OLFML2B: variants seen among roughly 807,000 people sequenced by gnomAD.
OLFML2B encodes the protein olfactomedin like 2B, also known as olfactomedin-like protein 2B.
OLFML2B carries 57 observed loss-of-function variants against 74.9 expected under a neutral mutation model. The observed-to-expected ratio is 0.76, with a 90% CI of 0.61 to 0.95. OLFML2B has a LOEUF of 0.95. Among genes scored for constraint, OLFML2B ranks in the 40% least tolerant of loss-of-function variants. The pLI, the probability that OLFML2B is intolerant of heterozygous loss-of-function variation, is 0.00. For synonymous variants in OLFML2B, 388 were observed against 405.8 expected, an observed-to-expected ratio of 0.96 and a Z score of 0.53; for missense variants, 986 against 970.6, an observed-to-expected ratio of 1.02 and a Z score of -0.21.
Position 161,998,287 on chromosome 1 carries a change from G to A in OLFML2B, c.1012C>T (p.His338Tyr), listed in dbSNP as rs1357951904. ...DLLIEDQLLR[H>Y]NGLMTSVTRR... ...GTGACACTGGTCATCAGGCCGTTGT[G>A]TCTCAGGAGCTGATCTTCAATCAGC... is the stretch of plus-strand genomic sequence containing the variant. The change falls in exon 6 of 8, where the codon CAC becomes TAC. Residue 338 changes from histidine (H) to tyrosine (Y), a missense_variant. His to Tyr is a moderately conservative substitution (Grantham distance 83, BLOSUM62 2). Coordinates refer to ENST00000294794, the MANE Select transcript of OLFML2B (RefSeq NM_015441.3). 2 of 1,599,968 alleles carry A rather than the reference G, an allele frequency of 1.3e-6. No homozygotes were observed. Among genetic ancestry groups the A allele is most frequent in the Non-Finnish European group, 1.7e-6 (2 of 1,169,090 alleles).
Position 161,984,220 on chromosome 1 carries a change from C to A in OLFML2B, c.1708G>T (p.Val570Leu). ...PYSWIGTGHV[V>L]YNGAFYYNRA... ...TTGTAGTAGAAGGCGCCATTGTATACCACGTGGCCTGTGCCGATCCAGCTG... is the reference window on the plus strand; with the variant it reads ...TTGTAGTAGAAGGCGCCATTGTATAACACGTGGCCTGTGCCGATCCAGCTG... Residue 570 changes from valine (V) to leucine (L), a missense_variant, in exon 8 of 8, where the codon GTA becomes TTA. Physicochemically the swap from Val to Leu is conservative, Grantham distance 32. Transcript: ENST00000294794. 1.3e-6 allele frequency: 2 copies of A among 1,560,150 alleles called. No homozygotes were observed. Among genetic ancestry groups the A allele is most frequent in the Non-Finnish European group, 1.7e-6 (2 of 1,154,514 alleles).
intron 6 of OLFML2B, 153 bp from the exon 7 acceptor site, chr1:161,985,133 C>A (rs1339219400): frequency 4.4e-6 from 3 of 677,184 alleles, no homozygotes; most frequent in Non-Finnish European, 7.2e-6. Flanking sequence ...ACACCATCTC[C>A]TGCTACTCCC....
rs1422985673 is a variant in OLFML2B, at chr1:161,983,708, G to T, written c.2220C>A (p.His740Gln). 1 of 1,612,128 alleles carries T rather than the reference G, an allele frequency of 6.2e-7. No homozygotes were observed. The highest frequency in any genetic ancestry group is 8.5e-7 in the Non-Finnish European group (1 of 1,178,384). The change falls in exon 8 of 8, where the codon CAC becomes CAA. Residue 740 changes from histidine (H) to glutamine (Q), a missense_variant. His to Gln is a conservative substitution (Grantham distance 24). Coordinates refer to ENST00000294794, the MANE Select transcript of OLFML2B (RefSeq NM_015441.3). ...DRLLYAWDNG[H>Q]QVTYHVIFAY ...CAAAGATGACATGGTAAGTGACCTG[G>T]TGGCCATTGTCCCAGGCATAGAGCA...
chr1:162,022,320 C>A (rs1046851898), intron 1 of OLFML2B, among the ~76,000 whole-genome samples: 1 of 135,618 alleles, frequency 7.4e-6, no homozygotes, highest in East Asian at 2.3e-4. Flanking sequence ...GCGCGATCTC[C>A]GCTTACTGCA....
At chr1:162,009,267 C>G (rs1233070949) in intron 3 of OLFML2B, among the ~76,000 whole-genome samples, 1 of 152,246 alleles carries the variant, frequency 6.6e-6, no homozygotes, top group Non-Finnish European at 1.5e-5. Flanking sequence ...CTCTGAGGAG[C>G]GGACTGAGGA....
In OLFML2B at chr1:161,983,863, A is replaced by G; in HGVS notation, c.2065T>C (p.Tyr689His). 6.2e-7 allele frequency: 1 copy of G among 1,614,198 alleles called. No individual in the cohort carries two copies. Among genetic ancestry groups the G allele is most frequent in the Non-Finnish European group, 8.5e-7 (1 of 1,180,036 alleles). ...GAGATGTTGGCATTCCGCTGGTTGT[A>G]GCTATCCACGGCATACAGCACCCCA... Reference protein sequence around the residue: ...ICGVLYAVDSYNQRNANISYA... With the variant: ...ICGVLYAVDSHNQRNANISYA... Residue 689 changes from tyrosine to histidine, a missense_variant, in exon 8 of 8, where the codon TAC becomes CAC. Coordinates refer to ENST00000294794, the MANE Select transcript of OLFML2B (RefSeq NM_015441.3).
At chr1:161,997,719 A>G in intron 6 of OLFML2B, 106 bp downstream of exon 6, 2 of 1,219,510 alleles carry the variant, frequency 1.6e-6, no homozygotes, top group South Asian at 1.5e-5. Context: ...CCATTCCCAT[A>G]AAGAACTTTG....
intron 3 of OLFML2B, among the ~76,000 whole-genome samples, chr1:162,008,344 G>C (rs994409148): frequency 6.6e-6 from 1 of 152,174 alleles, no homozygotes; most frequent in East Asian, 1.9e-4. Context: ...ATTTCACAGA[G>C]AGGAAACTGA....
At chr1:161,989,046 C>T (rs1208635358) in intron 6 of OLFML2B, among the ~76,000 whole-genome samples, 1 of 152,202 alleles carries the variant, frequency 6.6e-6, no homozygotes, top group Non-Finnish European at 1.5e-5. Context: ...TGATCCTCCA[C>T]CTCTATGGCG....
chr1:162,022,336 C>T (rs140348652), intron 1 of OLFML2B, among the ~76,000 whole-genome samples: 1,642 of 150,050 alleles, frequency 0.011, 13 homozygotes, highest in Middle Eastern at 0.028. Flanking sequence ...CTGCAACCTC[C>T]ACCTCCCGGG....
In OLFML2B at chr1:161,998,234, TC is replaced by T; in HGVS notation, c.1064del (p.Gly355AspfsTer6). On this transcript the variant is annotated frameshift_variant, in exon 6 of 8. Transcript: ENST00000294794. LOFTEE classifies it high-confidence loss of function. The stretch of plus-strand genomic sequence containing the variant: ...GGTCGCTTGTCACAGCAGTGCTGTG[TC>T]CCTGACGGGTGGCTGCAGGCCTCCG... ...VTRRPAATRQ[G>X]HSTAVTSDLN... 6.2e-7 allele frequency: 1 copy of T among 1,612,748 alleles called. No homozygotes were observed. The highest frequency in any genetic ancestry group is 8.5e-7 in the Non-Finnish European group (1 of 1,178,936).
intron 6 of OLFML2B, among the ~76,000 whole-genome samples, chr1:161,994,602 G>A (rs1689835678): frequency 6.6e-6 from 1 of 152,168 alleles, no homozygotes; most frequent in Admixed American, 6.5e-5. Context: ...TTTCTCTGCA[G>A]TAGCCTGAGC....
At chr1:162,019,202 G>T (rs957542687) in intron 2 of OLFML2B, among the ~76,000 whole-genome samples, 1 of 152,190 alleles carries the variant, frequency 6.6e-6, no homozygotes, top group African/African-American at 2.4e-5. Context: ...ATCGTGCCAA[G>T]TACCTCCTAG....
intron 1 of OLFML2B, among the ~76,000 whole-genome samples, chr1:162,020,812 A>G (rs1315341548): frequency 6.6e-6 from 1 of 152,126 alleles, no homozygotes; most frequent in Non-Finnish European, 1.5e-5. Flanking sequence ...ACCGCACCCA[A>G]TCAGAATCCA....
intron 3 of OLFML2B, among the ~76,000 whole-genome samples, chr1:162,014,113 T>A (rs2101975753): frequency 6.6e-6 from 1 of 152,274 alleles, no homozygotes; most frequent in South Asian, 2.1e-4. Context: ...ATGGGGGCCT[T>A]TTGGGGTATT....
intron 3 of OLFML2B, among the ~76,000 whole-genome samples, chr1:162,016,107 T>A (rs1690526672): frequency 6.6e-6 from 1 of 152,250 alleles, no homozygotes. Flanking sequence ...CTAATCCTTG[T>A]AACTTCAGTG....
intron 6 of OLFML2B, among the ~76,000 whole-genome samples, chr1:161,988,989 T>C (rs1425606540): frequency 6.6e-6 from 1 of 152,140 alleles, no homozygotes; most frequent in Admixed American, 6.5e-5. Flanking sequence ...GATGTCCCCT[T>C]TCCCTTCACC....
chr1:162,014,488 C>T (rs1300391112), intron 3 of OLFML2B, among the ~76,000 whole-genome samples: 2 of 152,224 alleles, frequency 1.3e-5, no homozygotes, highest in Admixed American at 6.5e-5. Flanking sequence ...AATGCCTCTC[C>T]AATCTGACCC....
At chr1:162,007,571 T>C (rs1354238853) in intron 3 of OLFML2B, among the ~76,000 whole-genome samples, 3 of 152,194 alleles carry the variant, frequency 2.0e-5, no homozygotes, top group Non-Finnish European at 2.9e-5. Flanking sequence ...GAAGCAATGA[T>C]GTAAAATAGA....
Sources: gnomAD v4.1 joint callset for allele counts (sites outside exome capture counted in the v4.1 genomes callset) on GRCh38, gnomAD v4.1.1 for gene constraint, MANE v1.5 for transcripts, NCBI Gene and HGNC (gene_info 2026-07-23, HGNC 2026-07-21) for gene names.